Variants in NUDT4 observed in about 807,000 individuals in gnomAD.
NUDT4 encodes the protein diphosphoinositol polyphosphate phosphohydrolase 2.
NUDT4 carries 5 observed loss-of-function variants against 23.1 expected under a neutral mutation model. That is an observed-to-expected ratio of 0.22 (90% CI 0.11 to 0.46). The LOEUF is 0.46. NUDT4 is among the 20% of genes least tolerant of loss of function. The pLI is 0.99. For missense variants in NUDT4, 96 were observed against 211.6 expected (o/e 0.45, Z 3.39); for synonymous variants, 50 against 79.0 (o/e 0.63, Z 1.95).
intron 1 of NUDT4, among the ~76,000 whole-genome samples, chr12:93,393,740 C>A (rs1659140807): frequency 6.6e-6 from 1 of 152,160 alleles, no homozygotes; most frequent in African/African-American, 2.4e-5. Context: ...TGACTTTTGC[C>A]TATGTATGCA....
intron 1 of NUDT4, among the ~76,000 whole-genome samples, chr12:93,390,938 C>G (rs764647900): frequency 3.3e-5 from 5 of 152,088 alleles, no homozygotes; most frequent in Non-Finnish European, 7.3e-5. Flanking sequence ...TAAATAGATA[C>G]TCTCTTTTAA....
Position 93,400,361 on chromosome 12 carries a change from T to C in NUDT4, c.*982T>C, listed in dbSNP as rs1381699178. The C allele has an allele frequency of 2.0e-5, 3 of 152,206 alleles. No individual in the cohort carries two copies. In the South Asian group the frequency reaches 6.2e-4, roughly 32 times the overall value. 9.4% of individuals were successfully genotyped at this position (152,206 alleles called of 1,614,324 possible). On this transcript the variant is annotated 3_prime_UTR_variant, in exon 5 of 5. Transcript: ENST00000415493. ...GCCTTCCTGTTCAGCTGTTAGAGAC[T>C]GAAGATTGTTAGGGCACCTTAGAAT...
chr12:93,378,727 C>A, intron 1 of NUDT4: 1 of 1,083,560 alleles, frequency 9.2e-7, no homozygotes, highest in Non-Finnish European at 1.1e-6. Flanking sequence ...ACCATCTTAA[C>A]GTGCGAATTG....
In NUDT4 at chr12:93,402,241, A is replaced by G. The variant is rs1262008840; in HGVS notation, c.*2862A>G. On this transcript the variant is annotated 3_prime_UTR_variant, in exon 5 of 5. Coordinates refer to ENST00000415493, the MANE Select transcript of NUDT4 (RefSeq NM_019094.6). The stretch of plus-strand genomic sequence containing the variant: ...TTGATGTAAGAATCCTGACTTTTTT[A>G]TATTTGGAAACATCAAATAAAAATG... The G allele has an allele frequency of 1.8e-4, 27 of 152,134 alleles. No individual in the cohort carries two copies. Among genetic ancestry groups the G allele is most frequent in the African/African-American group, 5.8e-4 (24 of 41,434 alleles). The allele number at this position is 152,134 out of a possible 1,614,324, so 9.4% of individuals were successfully genotyped here.
In NUDT4 at chr12:93,403,685, T is replaced by C. The variant is rs1026187457; in HGVS notation, c.*4306T>C. ...TACAGCTTTTTTATCTATAGACTTATACCATCTTCAAAAGCAATACAATTT... is the reference window on the plus strand; with the variant it reads ...TACAGCTTTTTTATCTATAGACTTACACCATCTTCAAAAGCAATACAATTT... On this transcript the variant is annotated 3_prime_UTR_variant, in exon 5 of 5. Coordinates refer to ENST00000415493, the MANE Select transcript of NUDT4 (RefSeq NM_019094.6). The C allele has an allele frequency of 4.6e-5, 7 of 152,216 alleles. No homozygotes were observed. The highest frequency in any genetic ancestry group is 1.4e-4 in the African/African-American group (6 of 41,460). 9.4% of individuals were successfully genotyped at this position (152,216 alleles called of 1,614,324 possible). A position where few individuals can be genotyped will look rare whatever the true frequency, so the allele number is the denominator to read the frequency against.
At chr12:93,383,384 GTC>G (rs1433607433) in intron 1 of NUDT4, among the ~76,000 whole-genome samples, 3 of 152,216 alleles carry the variant, frequency 2.0e-5, no homozygotes, top group Non-Finnish European at 4.4e-5. Flanking sequence ...CTTTTAAAAT[GTC>G]TATGTGCATA....
chr12:93,398,683 G>C, intron 3 of NUDT4, 88 bp from the exon 4 acceptor site: 1 of 792,166 alleles, frequency 1.3e-6, no homozygotes, highest in South Asian at 1.6e-5. Context: ...CTAATCAGCA[G>C]TATGCCAGAC....
chr12:93,381,082 G>A (rs1875628907), intron 1 of NUDT4: 1 of 152,190 alleles, frequency 6.6e-6, no homozygotes, highest in African/African-American at 2.4e-5. Flanking sequence ...GTTGTTCTAA[G>A]AGCAGAGTTA....
intron 3 of NUDT4, among the ~76,000 whole-genome samples, chr12:93,396,300 T>A (rs1876931137): frequency 6.6e-6 from 1 of 152,180 alleles, no homozygotes; most frequent in Non-Finnish European, 1.5e-5. Flanking sequence ...GCTAAAAGAA[T>A]AGAATTCTCT....
rs995605460 is a variant in NUDT4 at position 93,403,637 on chromosome 12, T to C, written c.*4258T>C. On this transcript the variant is annotated 3_prime_UTR_variant, in exon 5 of 5. Transcript: ENST00000415493. ...CCTGGCCTATCTTGGTGTTTTTACATCCTTCAGTATTTTTCAAGGTTTTAC... is the reference window on the plus strand; with the variant it reads ...CCTGGCCTATCTTGGTGTTTTTACACCCTTCAGTATTTTTCAAGGTTTTAC... 1.3e-5 allele frequency: 2 copies of C among 152,156 alleles called. No individual in the cohort carries two copies. Among genetic ancestry groups the C allele is most frequent in the Non-Finnish European group, 2.9e-5 (2 of 68,018 alleles). 9.4% of individuals were successfully genotyped at this position (152,156 alleles called of 1,614,324 possible). A position where few individuals can be genotyped will look rare whatever the true frequency, so the allele number is the denominator to read the frequency against.
At chr12:93,395,636 G>C (rs1250800939) in intron 3 of NUDT4, 103 bp downstream of exon 3, 1 of 911,206 alleles carries the variant, frequency 1.1e-6, no homozygotes, top group Non-Finnish European at 1.8e-6. Flanking sequence ...ATTTCTCTCA[G>C]ACTAGCAGTA....
At chr12:93,379,582 A>AT (rs57207174) in intron 1 of NUDT4, among the ~76,000 whole-genome samples, 18,473 of 151,112 alleles carry the variant, frequency 0.12, 1,514 homozygotes, top group East Asian at 0.43. Context: ...TTTTGCCTTT[A>AT]TTTTTTTTTG....
chr12:93,390,587 A>G (rs192161468), intron 1 of NUDT4, among the ~76,000 whole-genome samples: 157 of 152,016 alleles, frequency 1.0e-3, no homozygotes, highest in African/African-American at 3.5e-3. Context: ...TCATCTGGGT[A>G]TAATTTGATA....
intron 1 of NUDT4, chr12:93,378,914 A>G (rs552472183): frequency 3.0e-4 from 132 of 442,854 alleles, no homozygotes; most frequent in Admixed American, 2.4e-3. Flanking sequence ...CGTGCTTGGA[A>G]TTGAGTCTAG....
chr12:93,383,593 A>G (rs1396245033), intron 1 of NUDT4, among the ~76,000 whole-genome samples: 3 of 152,222 alleles, frequency 2.0e-5, no homozygotes, highest in Non-Finnish European at 2.9e-5. Flanking sequence ...GCCCTTTGGG[A>G]GGCCAAGGTG....
At position 93,405,630 on chromosome 12, in the gene NUDT4, G is replaced by C. The variant is rs1191918115; in HGVS notation, c.*6251G>C. On this transcript the variant is annotated 3_prime_UTR_variant, in exon 5 of 5. Coordinates refer to ENST00000415493, the MANE Select transcript of NUDT4 (RefSeq NM_019094.6). ...TATACCTGACTTCCACGATAAAATGGAGATGAGTGCAGGGGTGAGTGTATA... is the reference window on the plus strand; with the variant it reads ...TATACCTGACTTCCACGATAAAATGCAGATGAGTGCAGGGGTGAGTGTATA... 6.6e-6 allele frequency: 1 copy of C among 152,206 alleles called. No individual in the cohort carries two copies. The highest frequency in any genetic ancestry group is 2.4e-5 in the African/African-American group (1 of 41,434). 9.4% of individuals were successfully genotyped at this position (152,206 alleles called of 1,614,324 possible). A position where few individuals can be genotyped will look rare whatever the true frequency, so the allele number is the denominator to read the frequency against.
chr12:93,391,232 T>G (rs34976773), intron 1 of NUDT4, among the ~76,000 whole-genome samples: 17,109 of 151,868 alleles, frequency 0.11, 1,102 homozygotes, highest in African/African-American at 0.15. Flanking sequence ...TTTTGAGACC[T>G]GTCTAGGCAA....
At chr12:93,381,094 T>C (rs1241985799) in intron 1 of NUDT4, 1 of 152,242 alleles carries the variant, frequency 6.6e-6, no homozygotes. Flanking sequence ...GCAGAGTTAT[T>C]CTTTTAAGGT....
chr12:93,398,781 G>A lies in NUDT4; in HGVS notation c.266G>A (p.Arg89Gln), dbSNP rs767893118. 17 of 1,601,604 alleles carry A rather than the reference G, an allele frequency of 1.1e-5. No individual in the cohort carries two copies. The highest frequency in any genetic ancestry group is 2.7e-5 in the African/African-American group (2 of 74,556). Residue 89 changes from arginine to glutamine, a missense_variant, in exon 4 of 5, where the codon CGA becomes CAA. Transcript: ENST00000415493. ...RLLGIFENQD[R>Q]KHRTYVYVLT... ...TTTATATTCAAGCAGAACCAAGACC[G>A]AAAGCACAGAACATATGTTTATGTT... is the stretch of plus-strand genomic sequence containing the variant.
Sources: gnomAD v4.1 joint callset for allele counts (sites outside exome capture counted in the v4.1 genomes callset) on GRCh38, gnomAD v4.1.1 for gene constraint, MANE v1.5 for transcripts, NCBI Gene and HGNC (gene_info 2026-07-23, HGNC 2026-07-21) for gene names.